The following FBXO10 variants were observed in gnomAD, a reference collection of about 807,000 sequenced individuals.
The protein encoded by FBXO10 is F-box only protein 10.
FBXO10 carries 39 observed loss-of-function variants against 80.7 expected under a neutral mutation model. The observed-to-expected ratio is 0.48, with a 90% CI of 0.37 to 0.63. The LOEUF (loss-of-function observed/expected upper bound fraction) is 0.63, where lower values mean the gene tolerates loss of function less well. Among genes scored for constraint, FBXO10 ranks in the 30% least tolerant of loss-of-function variants. The pLI, the probability that FBXO10 is intolerant of heterozygous loss-of-function variation, is 0.00. For synonymous variants in FBXO10, 449 were observed against 489.6 expected, an observed-to-expected ratio of 0.92 and a Z score of 1.09; for missense variants, 1,025 against 1,269.0, an observed-to-expected ratio of 0.81 and a Z score of 2.92.
intron 1 of FBXO10, among the ~76,000 whole-genome samples, chr9:37,574,477 A>AAATCTAAAAAC (rs1822844710): frequency 6.6e-6 from 1 of 152,228 alleles, no homozygotes; most frequent in African/African-American, 2.4e-5. Flanking sequence ...CTCTTCTCAG[A>AAATCTAAAAAC]AATCTAAAAA....
At chr9:37,566,417 C>T (rs1001893722) in intron 1 of FBXO10, among the ~76,000 whole-genome samples, 20 of 149,384 alleles carry the variant, frequency 1.3e-4, no homozygotes, top group African/African-American at 5.0e-4. Flanking sequence ...GAGATCACAC[C>T]ACTGCACTGC....
intron 1 of FBXO10, 38 bp downstream of exon 1, chr9:37,576,173 C>T (rs1304569023): frequency 6.6e-6 from 1 of 152,298 alleles, no homozygotes; most frequent in Admixed American, 6.5e-5. Flanking sequence ...CCCCGGCCGC[C>T]CAAGTTCGCC....
chr9:37,567,368 G>A (rs1313171809), intron 1 of FBXO10, among the ~76,000 whole-genome samples: 2 of 150,212 alleles, frequency 1.3e-5, no homozygotes, highest in South Asian at 2.1e-4. Context: ...TAGTCTCAAA[G>A]TCCTGGGCTC....
intron 1 of FBXO10, among the ~76,000 whole-genome samples, chr9:37,557,428 G>A (rs1367484031): frequency 6.6e-6 from 1 of 152,176 alleles, no homozygotes; most frequent in Non-Finnish European, 1.5e-5. Context: ...TCCTCACAAA[G>A]TCATTCTCAT....
chr9:37,544,482 G>T (rs1473281052), intron 1 of FBXO10, among the ~76,000 whole-genome samples: 1 of 152,126 alleles, frequency 6.6e-6, no homozygotes, highest in Non-Finnish European at 1.5e-5. Context: ...TCAAATTGTT[G>T]ACCTCTCTAG....
chr9:37,526,805 T>C (rs1821484023), intron 5 of FBXO10, among the ~76,000 whole-genome samples: 1 of 148,368 alleles, frequency 6.7e-6, no homozygotes, highest in Admixed American at 6.9e-5. Flanking sequence ...CTCTTATTTA[T>C]TTATTTTTTA....
chr9:37,550,660 G>A (rs376994001), intron 1 of FBXO10, among the ~76,000 whole-genome samples: 8 of 150,950 alleles, frequency 5.3e-5, no homozygotes, highest in African/African-American at 1.9e-4. Context: ...TGTAGTTTTT[G>A]TAGAGATGGG....
intron 1 of FBXO10, among the ~76,000 whole-genome samples, chr9:37,559,638 A>G (rs35746195): frequency 0.058 from 8,885 of 152,304 alleles, 331 homozygotes; most frequent in South Asian, 0.17. Context: ...CCTGAGGTCA[A>G]ATGGGGCCAC....
rs201365236 is a variant in FBXO10 at position 37,541,609 on chromosome 9, C to T, written c.160G>A (p.Glu54Lys). Residue 54 changes from glutamate (E) to lysine (K), a missense_variant, in exon 2 of 11, where the codon GAG (glutamate) becomes AAG (lysine). Physicochemically the swap from Glu to Lys is moderately conservative, Grantham distance 56. This residue lies in a region of FBXO10 where 450 missense variants were observed against 499.4 expected (regional missense o/e 0.90). Transcript: ENST00000432825. ...TTGGGCCAATTGGGATGGCGGCACT[C>T]GGTGCAACCCAGACACAGCTGCCGC... ...RWRQLCLGCTECRHPNWPNQP... is the reference protein window; with the variant it reads ...RWRQLCLGCTKCRHPNWPNQP... 132 of 1,613,688 alleles carry T rather than the reference C, an allele frequency of 8.2e-5. 5 individuals carry two copies. The highest frequency in any genetic ancestry group is 6.0e-4 in the Admixed American group (36 of 59,950).
At chr9:37,552,656 C>T (rs1044798864) in intron 1 of FBXO10, among the ~76,000 whole-genome samples, 3 of 142,788 alleles carry the variant, frequency 2.1e-5, no homozygotes, top group Non-Finnish European at 3.0e-5. Context: ...TGCGCCACTG[C>T]ACTCCAGTCT....
At chr9:37,538,000 T>G (rs1821820087) in intron 2 of FBXO10, 57 bp from the exon 3 acceptor site, 1 of 1,363,016 alleles carries the variant, frequency 7.3e-7, no homozygotes. Flanking sequence ...TTTTGGACTC[T>G]AGCTGCCCTT....
intron 1 of FBXO10, among the ~76,000 whole-genome samples, chr9:37,565,725 A>G (rs10973419): frequency 0.042 from 6,402 of 152,276 alleles, 455 homozygotes; most frequent in African/African-American, 0.14. Flanking sequence ...CTCGTTAGAG[A>G]GGTGCAGAAC....
chr9:37,565,978 G>C (rs989890195), intron 1 of FBXO10, among the ~76,000 whole-genome samples: 5 of 152,182 alleles, frequency 3.3e-5, no homozygotes, highest in African/African-American at 1.2e-4. Flanking sequence ...AGTCTGAAGG[G>C]ATCAGTGAGA....
chr9:37,570,992 CA>C (rs149180080), intron 1 of FBXO10, among the ~76,000 whole-genome samples: 27,465 of 110,238 alleles, frequency 0.25, 2,444 homozygotes, highest in East Asian at 0.34. Context: ...GACTCCGTCT[CA>C]AAAAAAAAAA....
At chr9:37,514,249 A>G (rs747408655) in intron 10 of FBXO10, among the ~76,000 whole-genome samples, 4 of 152,182 alleles carry the variant, frequency 2.6e-5, no homozygotes, top group African/African-American at 4.8e-5. Flanking sequence ...GGGGAGCACT[A>G]CTGAAAAGGA....
intron 1 of FBXO10, among the ~76,000 whole-genome samples, chr9:37,548,162 A>G (rs373603852): frequency 6.6e-6 from 1 of 152,180 alleles, no homozygotes; most frequent in Non-Finnish European, 1.5e-5. Flanking sequence ...GGGCGGGTGG[A>G]TCACCTGAGG....
intron 1 of FBXO10, among the ~76,000 whole-genome samples, chr9:37,559,297 G>A (rs1457809424): frequency 4.6e-5 from 7 of 152,142 alleles, no homozygotes; most frequent in Non-Finnish European, 2.9e-5. Flanking sequence ...TGGTGATTGT[G>A]ATAAAGGGCC....
chr9:37,545,765 T>C (rs962491729), intron 1 of FBXO10, among the ~76,000 whole-genome samples: 3 of 152,210 alleles, frequency 2.0e-5, no homozygotes, highest in Non-Finnish European at 2.9e-5. Context: ...GGATATTCCC[T>C]TCCTGCCATA....
At chr9:37,534,396 G>A (rs552646701) in intron 3 of FBXO10, among the ~76,000 whole-genome samples, 1 of 152,300 alleles carries the variant, frequency 6.6e-6, no homozygotes, top group Admixed American at 6.5e-5. Flanking sequence ...GCCTTTCGGA[G>A]CGTGCAGTGA....
Sources: allele counts gnomAD v4.1 joint callset (sites outside exome capture counted in the v4.1 genomes callset), GRCh38; gene constraint gnomAD v4.1.1; regional missense constraint gnomAD v4.1.1; transcripts MANE v1.5; gene names NCBI Gene and HGNC (gene_info 2026-07-23, HGNC 2026-07-21).